Variants in SLC19A1 observed in about 807,000 individuals in gnomAD.
The protein encoded by SLC19A1 is reduced folate transporter.
Under a neutral mutation model 35.3 loss-of-function variants are expected in SLC19A1, and 37 were observed. That is an observed-to-expected ratio of 1.05 (90% CI 0.81 to 1.38). The LOEUF is 1.38. SLC19A1 is among the 40% of genes most tolerant of loss of function. The pLI is 0.00. For missense variants in SLC19A1, 831 were observed against 826.9 expected (o/e 1.00, Z -0.06); for synonymous variants, 460 against 398.5 (o/e 1.15, Z -1.84).
intron 1 of SLC19A1, among the ~76,000 whole-genome samples, chr21:45,550,397 C>T (rs946013271): frequency 6.6e-6 from 1 of 152,218 alleles, no homozygotes; most frequent in Non-Finnish European, 1.5e-5. Flanking sequence ...GTGCTCCCTT[C>T]TTCCCATGGG....
intron 5 of SLC19A1, 131 bp downstream of exon 5, chr21:45,525,686 G>T: frequency 1.0e-6 from 1 of 986,056 alleles, no homozygotes; most frequent in South Asian, 1.6e-5. Flanking sequence ...GTGTCCCACT[G>T]GAAGCCCCAG....
intron 1 of SLC19A1, among the ~76,000 whole-genome samples, chr21:45,561,207 C>A (rs191450118): frequency 1.3e-5 from 2 of 152,112 alleles, no homozygotes; most frequent in Non-Finnish European, 2.9e-5. Context: ...ACAAGCACAA[C>A]CAAAGTAAAA....
At position 45,555,175 on chromosome 21, in the gene SLC19A1, G is replaced by A. The variant is rs1262799452; in HGVS notation, c.-50+7567C>T. ...CAGGGGGCGGCGGGGGCGGCGCAGG[G>A]GGCGGTGCAGGGGGCGGCGGGGGCG... On this transcript the variant is annotated intron_variant, in intron 1 of 5. Coordinates refer to the SLC19A1 transcript ENST00000650808. Among the ~76,000 whole-genome samples, 4 of 71,818 alleles carry A rather than the reference G, an allele frequency of 5.6e-5. 1 individual carries two copies. Among genetic ancestry groups the A allele is most frequent in the African/African-American group, 2.6e-4 (4 of 15,362 alleles). 47.1% of individuals were successfully genotyped at this position (71,818 alleles called of 152,430 possible). A position where few individuals can be genotyped will look rare whatever the true frequency, so the allele number is the denominator to read the frequency against.
rs1309464632 is a variant in SLC19A1, at chr21:45,513,211, G to A, written c.*2447C>T. The stretch of plus-strand genomic sequence containing the variant: ...TCCAGGGCCCCCATCTCATGCCCCT[G>A]GCTGGGACGTGGCTCAGCCAGCACT... On this transcript the variant is annotated 3_prime_UTR_variant, in exon 6 of 6. Coordinates refer to ENST00000311124, the MANE Select transcript of SLC19A1 (RefSeq NM_194255.4). 3 of 152,374 alleles carry A rather than the reference G, an allele frequency of 2.0e-5. No individual in the cohort carries two copies. The highest frequency in any genetic ancestry group is 4.4e-5 in the Non-Finnish European group (3 of 68,168). The allele number at this position is 152,374 out of a possible 1,614,324, so 9.4% of individuals were successfully genotyped here. A position where few individuals can be genotyped will look rare whatever the true frequency, so the allele number is the denominator to read the frequency against.
upstream of SLC19A1, among the ~76,000 whole-genome samples, chr21:45,543,544 C>T (rs1225726864): frequency 1.3e-5 from 2 of 152,210 alleles, no homozygotes; most frequent in Non-Finnish European, 2.9e-5. Context: ...CGGGGGTGCT[C>T]TTGGTCTCCC....
chr21:45,509,891 G>A (rs1364481025), downstream of SLC19A1, among the ~76,000 whole-genome samples: 1 of 152,196 alleles, frequency 6.6e-6, no homozygotes, highest in East Asian at 1.9e-4. Flanking sequence ...CTCTGACCTG[G>A]CAGCGTATGG....
Position 45,505,971 on chromosome 21 carries a change from G to A in SLC19A1, c.498-7359C>T, listed in dbSNP as rs762799399. The A allele has an allele frequency of 1.9e-6, 3 of 1,613,100 alleles. No individual in the cohort carries two copies. Among genetic ancestry groups the A allele is most frequent in the Middle Eastern group, 1.7e-4 (1 of 6,056 alleles). ...AACGGGTTCCGGAAGGTCCAGGTGA[G>A]CGCTCTGTGTGACGGGTTCTGGACC... On this transcript the variant is annotated intron_variant, in intron 3 of 4. Transcript: ENST00000417954.
rs762641228 is a variant in SLC19A1 at position 45,530,976 on chromosome 21, G to T, written c.950-5C>A. ...CGGCGAAGGACGTGATGGCGCCTGA[G>T]AGGGGAGGGATGGGGCGTTGCAGCG... is the stretch of plus-strand genomic sequence containing the variant. On this transcript the variant is annotated splice_polypyrimidine_tract_variant and splice_region_variant and intron_variant, in intron 3 of 5. Coordinates refer to ENST00000311124, the MANE Select transcript of SLC19A1 (RefSeq NM_194255.4). This position sits in a 1 kb window ranked among gnomAD's most constrained non-coding sequence, Gnocchi z 5.3. 12 of 1,442,458 alleles carry T rather than the reference G, an allele frequency of 8.3e-6. No individual in the cohort carries two copies. In the African/African-American group the frequency reaches 1.8e-4, roughly 22 times the overall value. 89.4% of individuals were successfully genotyped at this position (1,442,458 alleles called of 1,614,324 possible).
chr21:45,510,393 C>T (rs9983050), downstream of SLC19A1: 52 of 1,063,906 alleles, frequency 4.9e-5, no homozygotes, highest in Non-Finnish European at 6.6e-5. Flanking sequence ...CCTAGGCTGG[C>T]GACTTCAGGG....
chr21:45,511,311 C>CG, downstream of SLC19A1: 1 of 745,060 alleles, frequency 1.3e-6, no homozygotes, highest in Non-Finnish European at 2.4e-6. Context: ...AGTTTCCCCC[C>CG]GAGTTTTTGG....
intron 5 of SLC19A1, among the ~76,000 whole-genome samples, chr21:45,516,895 C>T (rs1034008441): frequency 6.6e-6 from 1 of 152,252 alleles, no homozygotes; most frequent in Admixed American, 6.5e-5. Flanking sequence ...TCGGCACCGG[C>T]ACCCTTCCAG....
chr21:45,504,349 G>T (rs2037052193), intron 3 of SLC19A1: 1 of 1,527,604 alleles, frequency 6.5e-7, no homozygotes, highest in South Asian at 1.2e-5. Flanking sequence ...TGGCTCGGGG[G>T]GATGGGAGGC....
Position 45,515,724 on chromosome 21 carries a change from A to T in SLC19A1, c.1710T>A (p.Pro570=). The change falls in exon 6 of 6, where the codon CCT becomes CCA. Residue 570 remains proline (P), a synonymous_variant. Coordinates refer to ENST00000311124, the MANE Select transcript of SLC19A1 (RefSeq NM_194255.4). ...GCAAACCCAGCTTGCTGACACCAGG[A>T]GGATGGACAGCCAGCTGGGGACAAG... The part of the protein sequence containing the change: ...DETCPQLAVH[P]PGVSKLGLQC... 1 of 1,613,822 alleles carries T rather than the reference A, an allele frequency of 6.2e-7. No homozygotes were observed. Among genetic ancestry groups the T allele is most frequent in the African/African-American group, 1.3e-5 (1 of 75,042 alleles).
intron 1 of SLC19A1, among the ~76,000 whole-genome samples, chr21:45,551,472 G>A (rs952017666): frequency 6.6e-6 from 1 of 152,170 alleles, no homozygotes; most frequent in South Asian, 2.1e-4. Flanking sequence ...CATGGACGCT[G>A]TGTCACTACA....
At chr21:45,522,749 T>C (rs752071586) in intron 5 of SLC19A1, among the ~76,000 whole-genome samples, 5 of 152,158 alleles carry the variant, frequency 3.3e-5, no homozygotes, top group Admixed American at 6.5e-5. Flanking sequence ...ACACAATGCA[T>C]AGCCGTGTTT....
chr21:45,543,086 A>G (rs2078361607), upstream of SLC19A1, among the ~76,000 whole-genome samples: 1 of 152,114 alleles, frequency 6.6e-6, no homozygotes, highest in Non-Finnish European at 1.5e-5. Context: ...CGGATCCAGG[A>G]CGTGGCCCGG....
intron 3 of SLC19A1, chr21:45,506,263 G>A (rs538161382): frequency 2.5e-5 from 11 of 431,630 alleles, no homozygotes; most frequent in South Asian, 6.3e-5. Context: ...TCACACACCC[G>A]ATAATAAGAC....
At chr21:45,561,482 C>T (rs181761771) in intron 1 of SLC19A1, among the ~76,000 whole-genome samples, 23 of 152,216 alleles carry the variant, frequency 1.5e-4, no homozygotes, top group African/African-American at 4.1e-4. Flanking sequence ...AGGGTGAGGC[C>T]GGGCGCGGTG....
rs1413268709 is a variant in SLC19A1 at position 45,514,635 on chromosome 21, C to T, written c.*1023G>A. The T allele has an allele frequency of 1.8e-5, 4 of 218,130 alleles. No individual in the cohort carries two copies. Among genetic ancestry groups the T allele is most frequent in the South Asian group, 1.4e-4 (1 of 6,920 alleles). The allele number at this position is 218,130 out of a possible 1,614,324, so 13.5% of individuals were successfully genotyped here. On this transcript the variant is annotated 3_prime_UTR_variant, in exon 6 of 6. Transcript: ENST00000311124. The stretch of plus-strand genomic sequence containing the variant: ...GGCTGGAGGCGGGAGAAGGCTGGGA[C>T]GCCTCTCCTGGCCTCCTCACTGACT...
Sources: allele counts gnomAD v4.1 joint callset (sites outside exome capture counted in the v4.1 genomes callset), GRCh38; gene constraint gnomAD v4.1.1; non-coding constraint Gnocchi (gnomAD v3.1); transcripts MANE v1.5; gene names NCBI Gene and HGNC (gene_info 2026-07-23, HGNC 2026-07-21).